Variants in EDNRA observed in about 807,000 individuals in gnomAD.
EDNRA encodes the protein endothelin-1 receptor.
Under a neutral mutation model 41.4 loss-of-function variants are expected in EDNRA, and 11 were observed. That is an observed-to-expected ratio of 0.27 (90% CI 0.17 to 0.44). The LOEUF (loss-of-function observed/expected upper bound fraction) is 0.44, where lower values mean the gene tolerates loss of function less well. Ranked by LOEUF, EDNRA falls within the 20% of genes least tolerant of loss-of-function variation. EDNRA has a pLI of 1.00. For missense variants in EDNRA, 294 were observed against 531.0 expected, an observed-to-expected ratio of 0.55 and a Z score of 4.39; for synonymous variants, 172 against 183.0, an observed-to-expected ratio of 0.94 and a Z score of 0.49.
intron 2 of EDNRA, chr4:147,492,975 C>T (rs980621867): frequency 5.3e-5 from 8 of 152,168 alleles, no homozygotes; most frequent in Non-Finnish European, 8.8e-5. Flanking sequence ...TGCTAACCCT[C>T]GGCATTTGGC....
At chr4:147,525,401 A>C (rs1730500495) in intron 3 of EDNRA, among the ~76,000 whole-genome samples, 1 of 152,244 alleles carries the variant, frequency 6.6e-6, no homozygotes, top group Non-Finnish European at 1.5e-5. Flanking sequence ...AACTGAAGAA[A>C]TTCAGAAACA....
rs1560901617 is a variant in EDNRA, at chr4:147,505,218, AGAG to A, written c.421-14632_421-14630del. ...GCTAAAATGTAAAAAAAAAAAAAAG[AGAG>A]AGAGAGAGAGAGACAACATCTAATT... On this transcript the variant is annotated intron_variant, in intron 2 of 7. Coordinates refer to ENST00000651419, the MANE Select transcript of EDNRA (RefSeq NM_001957.4). Among the ~76,000 whole-genome samples, 290 of 60,728 alleles carry A rather than the reference AGAG, an allele frequency of 4.8e-3. 1 individual carries two copies. Among genetic ancestry groups the A allele is most frequent in the African/African-American group, 0.025 (277 of 10,990 alleles). 39.8% of individuals were successfully genotyped at this position (60,728 alleles called of 152,430 possible). A position where few individuals can be genotyped will look rare whatever the true frequency, so the allele number is the denominator to read the frequency against.
chr4:147,526,348 G>A (rs945997779), intron 3 of EDNRA, among the ~76,000 whole-genome samples: 2 of 152,164 alleles, frequency 1.3e-5, no homozygotes, highest in African/African-American at 4.8e-5. Context: ...GTCACCTGGG[G>A]TTGGTGGACT....
rs1730222592 is a variant in EDNRA, at chr4:147,519,077, A to AT, written c.421-774_421-773insT. 1.3e-5 allele frequency among the ~76,000 whole-genome samples: 2 copies of AT among 152,220 alleles called. No individual in the cohort carries two copies. The highest frequency in any genetic ancestry group is 2.9e-5 in the Non-Finnish European group (2 of 68,036). The stretch of plus-strand genomic sequence containing the variant: ...TTGGAAATTGTCAACATGGAAGAAC[A>AT]GATTTTTCTGCATGTGATACCAACA... On this transcript the variant is annotated intron_variant, in intron 2 of 7. Transcript: ENST00000651419. The surrounding 1 kb of genome is among the most constrained non-coding windows in gnomAD (Gnocchi z 4.1).
At chr4:147,496,181 AT>A in intron 2 of EDNRA, 1 of 152,340 alleles carries the variant, frequency 6.6e-6, no homozygotes. Context: ...CACAAAAGTA[AT>A]TCTGCAGAAT....
chr4:147,490,540 C>T (rs1729103442), intron 2 of EDNRA: 1 of 151,964 alleles, frequency 6.6e-6, no homozygotes, highest in South Asian at 2.1e-4. Flanking sequence ...TCAAGAAAAA[C>T]AAAAACTTAG....
intron 3 of EDNRA, among the ~76,000 whole-genome samples, chr4:147,523,639 C>CGCT (rs909219732): frequency 6.6e-6 from 1 of 151,742 alleles, no homozygotes; most frequent in Non-Finnish European, 1.5e-5. Flanking sequence ...TACAGGTGCC[C>CGCT]ACCACCACGC....
chr4:147,511,422 TC>T (rs1729918751), intron 2 of EDNRA, among the ~76,000 whole-genome samples: 1 of 152,208 alleles, frequency 6.6e-6, no homozygotes, highest in South Asian at 2.1e-4. Flanking sequence ...ATTCTTTTTT[TC>T]CCGAAACACA....
chr4:147,529,236 G>A (rs1730664339), intron 3 of EDNRA, among the ~76,000 whole-genome samples: 1 of 152,190 alleles, frequency 6.6e-6, no homozygotes, highest in Non-Finnish European at 1.5e-5. Flanking sequence ...AGGAAGACAA[G>A]GAGTCTGATT....
chr4:147,482,102 C>T (rs1348201266), intron 1 of EDNRA, among the ~76,000 whole-genome samples: 3 of 152,190 alleles, frequency 2.0e-5, no homozygotes, highest in African/African-American at 7.2e-5. Context: ...CATTTCTTAA[C>T]CAGAGAGCAA....
intron 3 of EDNRA, among the ~76,000 whole-genome samples, chr4:147,528,687 T>C (rs2126467004): frequency 6.6e-6 from 1 of 152,174 alleles, no homozygotes; most frequent in South Asian, 2.1e-4. Context: ...ACCAAATAAA[T>C]AAATAGAACA....
At chr4:147,501,904 G>A (rs1729528742) in intron 2 of EDNRA, among the ~76,000 whole-genome samples, 2 of 152,138 alleles carry the variant, frequency 1.3e-5, no homozygotes, top group African/African-American at 2.4e-5. Flanking sequence ...TCAAGTGTCT[G>A]TATTACTTTG....
chr4:147,493,880 G>A (rs1055895721), intron 2 of EDNRA: 1 of 152,184 alleles, frequency 6.6e-6, no homozygotes. Context: ...AGCCTTCAAT[G>A]TTCTGGGGCT....
chr4:147,481,805 A>G (rs1196709001), intron 1 of EDNRA, among the ~76,000 whole-genome samples: 3 of 151,982 alleles, frequency 2.0e-5, no homozygotes, highest in Non-Finnish European at 4.4e-5. Context: ...TTCCTCCCCC[A>G]CATCTGGGTC....
chr4:147,509,769 C>T (rs1171376201), intron 2 of EDNRA, among the ~76,000 whole-genome samples: 1 of 150,280 alleles, frequency 6.7e-6, no homozygotes, highest in East Asian at 1.9e-4. Context: ...TCCCATTAAC[C>T]CTAGATGGGA....
intron 2 of EDNRA, among the ~76,000 whole-genome samples, chr4:147,511,122 A>G (rs1259711738): frequency 2.0e-5 from 3 of 152,128 alleles, no homozygotes; most frequent in African/African-American, 4.8e-5. Context: ...ATTCAATAGA[A>G]CTTTTGTGGT....
At chr4:147,528,375 T>C (rs1003467774) in intron 3 of EDNRA, among the ~76,000 whole-genome samples, 5 of 150,522 alleles carry the variant, frequency 3.3e-5, no homozygotes, top group African/African-American at 2.4e-5. Context: ...TTTTTTTTTT[T>C]CAGACAGGGT....
intron 2 of EDNRA, among the ~76,000 whole-genome samples, chr4:147,514,325 AGT>A (rs1730025432): frequency 6.6e-6 from 1 of 152,138 alleles, no homozygotes; most frequent in African/African-American, 2.4e-5. Context: ...CTTATTTTGT[AGT>A]GCTAAGCTGG....
rs1730256052 is a variant in EDNRA at position 147,519,912 on chromosome 4, T to C, written c.482T>C (p.Phe161Ser). 6.2e-7 allele frequency: 1 copy of C among 1,613,646 alleles called. No homozygotes were observed. ...TTTGGCGTATTTCTTTGCAAGCTGT[T>C]CCCCTTTTTGCAGAAGTCCTCGGTG... The part of the protein sequence containing the change: ...NDFGVFLCKL[F>S]PFLQKSSVGI... Residue 161 changes from phenylalanine (F) to serine (S), a missense_variant, in exon 3 of 8, where the codon TTC (phenylalanine) becomes TCC (serine). By Grantham distance (155) the Phe-to-Ser change is radical (BLOSUM62 -2). Coordinates refer to ENST00000651419, the MANE Select transcript of EDNRA (RefSeq NM_001957.4). This position sits in a 1 kb window ranked among gnomAD's most constrained non-coding sequence, Gnocchi z 4.1.
Sources: gnomAD v4.1 joint callset for allele counts (sites outside exome capture counted in the v4.1 genomes callset) on GRCh38, gnomAD v4.1.1 for gene constraint, Gnocchi (gnomAD v3.1) non-coding constraint, MANE v1.5 for transcripts, NCBI Gene and HGNC (gene_info 2026-07-23, HGNC 2026-07-21) for gene names.